TTC3: variants seen among roughly 807,000 people sequenced by gnomAD.
The protein encoded by TTC3 is E3 ubiquitin-protein ligase TTC3.
TTC3 carries 180 observed loss-of-function variants against 249.6 expected under a neutral mutation model. The ratio of observed to expected loss-of-function variants is 0.72; its 90% CI spans 0.64 to 0.82. The LOEUF (loss-of-function observed/expected upper bound fraction) is 0.82. Among genes scored for constraint, TTC3 ranks in the 40% least tolerant of loss-of-function variants. The pLI, the probability that TTC3 is intolerant of heterozygous loss-of-function variation, is 0.00. For missense variants in TTC3, 2,061 were observed against 2,398.4 expected, an observed-to-expected ratio of 0.86 and a Z score of 2.94; for synonymous variants, 717 against 805.0, an observed-to-expected ratio of 0.89 and a Z score of 1.85.
chr21:37,115,945 A>G (rs2076106649), intron 11 of TTC3, among the ~76,000 whole-genome samples: 1 of 152,172 alleles, frequency 6.6e-6, no homozygotes, highest in Non-Finnish European at 1.5e-5. Flanking sequence ...CTTCCTACGC[A>G]TTTCTTATCT....
intron 31 of TTC3, among the ~76,000 whole-genome samples, chr21:37,162,335 C>T (rs1044606927): frequency 2.0e-5 from 3 of 152,134 alleles, no homozygotes; most frequent in Admixed American, 6.5e-5. Context: ...GTGCAAGGCT[C>T]TGTGGGAAAA....
At chr21:37,147,364 A>C (rs2079068760) in intron 21 of TTC3, 117 bp from the exon 22 acceptor site, 1 of 965,736 alleles carries the variant, frequency 1.0e-6, no homozygotes, top group African/African-American at 1.7e-5. Context: ...GTTGGTGAAA[A>C]AATTTAGTCA....
chr21:37,132,699 C>T (rs1017178522), exon 17 of TTC3: 23 of 1,606,552 alleles, frequency 1.4e-5, no homozygotes, highest in Non-Finnish European at 2.0e-5. Context: ...TCACCATTGA[C>T]TTTACCAGCA....
At chr21:37,174,011 A>G (rs2082026762) in intron 35 of TTC3, among the ~76,000 whole-genome samples, 1 of 152,230 alleles carries the variant, frequency 6.6e-6, no homozygotes, top group African/African-American at 2.4e-5. Context: ...GAATTCCTGT[A>G]GCTGCCTGTT....
intron 16 of TTC3, among the ~76,000 whole-genome samples, chr21:37,130,827 G>A (rs2077414021): frequency 6.6e-6 from 1 of 151,592 alleles, no homozygotes; most frequent in South Asian, 2.1e-4. Flanking sequence ...AGATCAGACA[G>A]TACTTCAAAC....
chr21:37,161,931 T>TA, intron 30 of TTC3, 59 bp from the exon 31 acceptor site: 1 of 1,236,334 alleles, frequency 8.1e-7, no homozygotes, highest in Non-Finnish European at 1.1e-6. Flanking sequence ...TAATGATTTT[T>TA]CTCTTTAATG....
chr21:37,133,881 T>G (rs548684820), intron 17 of TTC3, among the ~76,000 whole-genome samples: 3 of 152,002 alleles, frequency 2.0e-5, no homozygotes, highest in Non-Finnish European at 4.4e-5. Context: ...ATTTATTTAT[T>G]ATTTTCTTTT....
chr21:37,138,546 TTC>T, intron 18 of TTC3, 86 bp from the exon 19 acceptor site: 1 of 798,896 alleles, frequency 1.3e-6, no homozygotes, highest in Admixed American at 2.1e-5. Flanking sequence ...ATTAGTGAGA[TTC>T]TATTACACTT....
exon 11 of TTC3, chr21:37,108,412 A>C: frequency 6.2e-7 from 1 of 1,612,034 alleles, no homozygotes. Context: ...GGTGATGGAA[A>C]GAGAGCCACT....
At chr21:37,131,570 T>G (rs11702610) in intron 16 of TTC3, among the ~76,000 whole-genome samples, 10,798 of 152,098 alleles carry the variant, frequency 0.071, 542 homozygotes, top group Non-Finnish European at 0.11. Flanking sequence ...TTCCTTGAGT[T>G]CCATTGTTTT....
intron 10 of TTC3, among the ~76,000 whole-genome samples, chr21:37,106,853 C>T (rs150118157): frequency 0.011 from 1,714 of 152,238 alleles, 18 homozygotes; most frequent in East Asian, 0.03. Context: ...GAGGGACTGG[C>T]ACTGCACTCC....
intron 10 of TTC3, chr21:37,100,914 A>G (rs557217375): frequency 3.3e-5 from 5 of 152,360 alleles, no homozygotes; most frequent in Admixed American, 2.6e-4. Flanking sequence ...TTAGTCAAGA[A>G]TCTGGACAAA....
At chr21:37,097,925 C>A (rs748077449) in intron 10 of TTC3, 2 of 712,424 alleles carry the variant, frequency 2.8e-6, no homozygotes, top group Non-Finnish European at 5.2e-6. Flanking sequence ...AACACATTCT[C>A]ATGGTAGAAA....
At position 37,165,450 on chromosome 21, in the gene TTC3, T is replaced by C. The variant is rs1244360346; in HGVS notation, c.3336-100T>C. The C allele has an allele frequency of 6.8e-6, 6 of 883,326 alleles. No homozygotes were observed. In the African/African-American group the frequency reaches 1.0e-4, roughly 15 times the overall value. The allele number at this position is 883,326 out of a possible 1,614,324, so 54.7% of individuals were successfully genotyped here. On this transcript the variant is annotated intron_variant, in intron 32 of 45. Coordinates refer to ENST00000355666, the Ensembl canonical transcript of TTC3. ...AGGAAAGGTTGAGATCAGTGAAAAG[T>C]GAAACAGTGTTTTCCTTTGGGAGAA...
chr21:37,073,618 C>A, intron 1 of TTC3, 145 bp downstream of exon 1: 1 of 486,690 alleles, frequency 2.1e-6, no homozygotes, highest in Non-Finnish European at 2.7e-6. Flanking sequence ...TGCCCCTTCG[C>A]GAGCGAGGCC....
At chr21:37,156,724 T>C (rs1195069132) in exon 28 of TTC3, 3 of 1,614,116 alleles carry the variant, frequency 1.9e-6, no homozygotes, top group East Asian at 2.2e-5. Flanking sequence ...TTTAGTATCA[T>C]GACTTTCCTC....
intron 8 of TTC3, among the ~76,000 whole-genome samples, 189 bp from the exon 9 acceptor site, chr21:37,095,161 G>GTGTGTGTGTGTGTGTGTGTGTGTA (rs1360863023): frequency 5.9e-5 from 9 of 151,756 alleles, no homozygotes; most frequent in Non-Finnish European, 1.5e-5. Flanking sequence ...GTGTGTGTGT[G>GTGTGTGTGTGTGTGTGTGTGTGTA]TGTATAGTGG....
chr21:37,121,973 C>G (rs61999340), exon 12 of TTC3: 79,577 of 1,606,056 alleles, frequency 0.05, 2,253 homozygotes, highest in South Asian at 0.085. Context: ...AATAGAAGAC[C>G]TACAAGGTAT....
chr21:37,145,939 G>A (rs569316774), intron 21 of TTC3, among the ~76,000 whole-genome samples: 15 of 152,264 alleles, frequency 9.9e-5, no homozygotes, highest in East Asian at 3.9e-4. Flanking sequence ...CTCCAACACC[G>A]GGGATCAGAT....
Sources: gnomAD v4.1 joint callset for allele counts (sites outside exome capture counted in the v4.1 genomes callset) on GRCh38, gnomAD v4.1.1 for gene constraint, MANE v1.5 for transcripts, NCBI Gene and HGNC (gene_info 2026-07-23, HGNC 2026-07-21) for gene names.